DPP10: variants seen among roughly 807,000 people sequenced by gnomAD.
DPP10 encodes the protein inactive dipeptidyl peptidase 10.
Under a neutral mutation model 120.9 loss-of-function variants are expected in DPP10, and 33 were observed. That is an observed-to-expected ratio of 0.27 (90% confidence interval 0.21 to 0.37). The LOEUF is 0.37. Among genes scored for constraint, DPP10 ranks in the 10% least tolerant of loss-of-function variants. The probability of loss-of-function intolerance (pLI) is 1.00; values close to 1 mark genes in which losing one functional copy is unlikely to be tolerated. For missense variants in DPP10, 816 were observed against 942.8 expected (o/e 0.87, Z 1.76); for synonymous variants, 337 against 326.1 (o/e 1.03, Z -0.36).
chr2:115,299,983 G>A (rs897358272), intron 1 of DPP10, among the ~76,000 whole-genome samples: 1 of 151,892 alleles, frequency 6.6e-6, no homozygotes, highest in Non-Finnish European at 1.5e-5. Flanking sequence ...TCCTTCAAGT[G>A]GTCCTATAAA....
intron 12 of DPP10, among the ~76,000 whole-genome samples, chr2:115,767,279 G>T (rs528461380): frequency 6.6e-6 from 1 of 151,912 alleles, no homozygotes; most frequent in Non-Finnish European, 1.5e-5. Flanking sequence ...ACAGTAGAGG[G>T]CCAAGTCATC....
At chr2:114,953,148 T>C (rs1697922111) in intron 1 of DPP10, among the ~76,000 whole-genome samples, 1 of 152,122 alleles carries the variant, frequency 6.6e-6, no homozygotes, top group Non-Finnish European at 1.5e-5. Context: ...TTTAAAAAAA[T>C]CTAATTTTAT....
intron 1 of DPP10, among the ~76,000 whole-genome samples, chr2:115,211,603 A>G (rs2056518305): frequency 6.6e-6 from 1 of 152,068 alleles, no homozygotes; most frequent in Non-Finnish European, 1.5e-5. Flanking sequence ...TCCTTAAAAT[A>G]TCGGCTCTGG....
chr2:114,828,473 A>G (rs889348458), intron 1 of DPP10: 6 of 152,230 alleles, frequency 3.9e-5, no homozygotes, highest in South Asian at 4.1e-4. Flanking sequence ...TTTAGAATCT[A>G]CTAATATGCT....
intron 8 of DPP10, among the ~76,000 whole-genome samples, chr2:115,737,762 A>T (rs1484693843): frequency 6.6e-6 from 1 of 152,174 alleles, no homozygotes. Context: ...AAAGAATTCA[A>T]TTCCTCTTTA....
chr2:115,458,892 G>A (rs953746844), intron 3 of DPP10, among the ~76,000 whole-genome samples: 6 of 152,096 alleles, frequency 3.9e-5, no homozygotes, highest in South Asian at 4.1e-4. Context: ...TACATGTTTT[G>A]TTTATATTTT....
intron 5 of DPP10, among the ~76,000 whole-genome samples, chr2:115,570,917 C>G (rs557890004): frequency 1.3e-5 from 2 of 152,264 alleles, no homozygotes; most frequent in East Asian, 3.9e-4. Context: ...ACGTATTTCA[C>G]CTGGCATTTG....
chr2:115,387,282 G>A (rs1380681790), intron 3 of DPP10, among the ~76,000 whole-genome samples: 1 of 152,244 alleles, frequency 6.6e-6, no homozygotes, highest in South Asian at 2.1e-4. Flanking sequence ...TTCTCCCTCT[G>A]TTTCAGAGCT....
chr2:115,640,120 G>A (rs1402866869), intron 5 of DPP10, among the ~76,000 whole-genome samples: 1 of 152,042 alleles, frequency 6.6e-6, no homozygotes, highest in Non-Finnish European at 1.5e-5. Context: ...AAGGCTTCAG[G>A]CTTGCAGAAT....
chr2:115,445,969 G>T (rs1369727301), intron 3 of DPP10, among the ~76,000 whole-genome samples: 2 of 151,850 alleles, frequency 1.3e-5, no homozygotes, highest in Non-Finnish European at 2.9e-5. Context: ...CCAGCTGCGG[G>T]TCTAGGAGGT....
intron 1 of DPP10, among the ~76,000 whole-genome samples, chr2:114,613,341 A>G (rs901296616): frequency 6.6e-6 from 1 of 152,192 alleles, no homozygotes; most frequent in African/African-American, 2.4e-5. Flanking sequence ...AGAAGAAGAA[A>G]CTGAGGATGA....
intron 1 of DPP10, among the ~76,000 whole-genome samples, chr2:114,491,486 G>T (rs1040848456): frequency 1.3e-5 from 2 of 152,080 alleles, no homozygotes; most frequent in African/African-American, 4.8e-5. Context: ...GGAGGAGAAT[G>T]TTTCTTCCTC....
chr2:114,559,890 G>GAAAAAAAAAAAAAAAAAA, intron 1 of DPP10, among the ~76,000 whole-genome samples: 1 of 20,718 alleles, frequency 4.8e-5, no homozygotes, highest in Non-Finnish European at 9.9e-5. Context: ...AAGAAAAAAA[G>GAAAAAAAAAAAAAAAAAA]CAAAAAAAAA....
At chr2:115,734,250 A>G (rs780580910) in intron 8 of DPP10, among the ~76,000 whole-genome samples, 66 of 152,172 alleles carry the variant, frequency 4.3e-4, no homozygotes, top group African/African-American at 1.5e-3. Flanking sequence ...TATTCTTGGG[A>G]AGTACTGGAC....
intron 2 of DPP10, among the ~76,000 whole-genome samples, chr2:115,314,705 C>T (rs571519759): frequency 2.0e-5 from 3 of 151,994 alleles, no homozygotes; most frequent in East Asian, 1.9e-4. Flanking sequence ...TTACCCAGGT[C>T]GATACTGCCA....
chr2:115,803,118 T>C (rs1685469637), intron 19 of DPP10, among the ~76,000 whole-genome samples: 1 of 152,198 alleles, frequency 6.6e-6, no homozygotes, highest in Non-Finnish European at 1.5e-5. Flanking sequence ...GGTGCTCCTG[T>C]ATTGGGTGTA....
At chr2:114,485,790 C>T (rs1356331997) in intron 1 of DPP10, among the ~76,000 whole-genome samples, 2 of 152,074 alleles carry the variant, frequency 1.3e-5, no homozygotes, top group East Asian at 1.9e-4. Context: ...CTCAATCCTA[C>T]GTGCCTGACC....
At chr2:114,880,290 C>T (rs1343970422) in intron 1 of DPP10, among the ~76,000 whole-genome samples, 1 of 152,154 alleles carries the variant, frequency 6.6e-6, no homozygotes, top group East Asian at 1.9e-4. Flanking sequence ...AATATTGCCT[C>T]ATTAACAAAT....
chr2:114,967,046 A>G (rs1699084251), intron 1 of DPP10, among the ~76,000 whole-genome samples: 1 of 152,184 alleles, frequency 6.6e-6, no homozygotes, highest in South Asian at 2.1e-4. Context: ...CGGTCCCAAA[A>G]AAACAAAACA....
Sources: allele counts gnomAD v4.1 joint callset (sites outside exome capture counted in the v4.1 genomes callset), GRCh38; gene constraint gnomAD v4.1.1; transcripts MANE v1.5; gene names NCBI Gene and HGNC (gene_info 2026-07-23, HGNC 2026-07-21).